CRACR2A: variants seen among roughly 807,000 people sequenced by gnomAD.
The protein encoded by CRACR2A is EF-hand calcium-binding domain-containing protein 4B.
CRACR2A carries 79 observed loss-of-function variants against 90.5 expected under a neutral mutation model. The observed-to-expected ratio is 0.87, with a 90% confidence interval of 0.73 to 1.05. The LOEUF is 1.05. Among genes scored for constraint, CRACR2A ranks in the 50% least tolerant of loss-of-function variants. The pLI, the probability that CRACR2A is intolerant of heterozygous loss-of-function variation, is 0.00. For synonymous variants in CRACR2A, 338 were observed against 356.7 expected (o/e 0.95, Z 0.59); for missense variants, 823 against 897.2 (o/e 0.92, Z 1.06).
intron 1 of CRACR2A, among the ~76,000 whole-genome samples, chr12:3,741,783 C>T (rs951782656): frequency 1.4e-4 from 21 of 152,230 alleles, no homozygotes; most frequent in African/African-American, 5.1e-4. Flanking sequence ...CATTTGCATT[C>T]AGAATGGGAC....
chr12:3,728,192 A>T (rs571686602), intron 2 of CRACR2A: 51 of 152,334 alleles, frequency 3.3e-4, no homozygotes, highest in African/African-American at 1.2e-3. Flanking sequence ...AACACAGGCA[A>T]CGGATCCCCA....
intron 6 of CRACR2A, among the ~76,000 whole-genome samples, chr12:3,675,049 T>A (rs1945314136): frequency 6.6e-6 from 1 of 152,222 alleles, no homozygotes; most frequent in Non-Finnish European, 1.5e-5. Context: ...GATAAAGTTA[T>A]CTGTATGCCT....
chr12:3,627,296 T>A (rs1397425666), intron 17 of CRACR2A, 140 bp downstream of exon 17: 2 of 655,712 alleles, frequency 3.1e-6, no homozygotes, highest in African/African-American at 3.6e-5. Flanking sequence ...GAGGAACACA[T>A]GCCTGCATCA....
chr12:3,624,790 C>T lies in CRACR2A; in HGVS notation c.1932+2646G>A, dbSNP rs1012083022. The stretch of plus-strand genomic sequence containing the variant: ...AGAACTTGCTAGAAACACAGAATCT[C>T]AGACCCCAGTCCCGACCTGCTGAAG... On this transcript the variant is annotated intron_variant, in intron 17 of 19. Transcript: ENST00000440314. 3.9e-5 allele frequency among the ~76,000 whole-genome samples: 6 copies of T among 152,254 alleles called. No homozygotes were observed. The East Asian group carries it at 7.7e-4, about 20-fold the overall frequency.
chr12:3,726,194 TA>T (rs1000728423), intron 2 of CRACR2A: 28 of 149,930 alleles, frequency 1.9e-4, no homozygotes, highest in African/African-American at 6.6e-4. Flanking sequence ...ACTATATGTA[TA>T]TTTTATATAT....
At chr12:3,620,099 A>G (rs540681013) in intron 17 of CRACR2A, among the ~76,000 whole-genome samples, 28 of 152,248 alleles carry the variant, frequency 1.8e-4, no homozygotes, top group Non-Finnish European at 3.1e-4. Context: ...TACTTCCCCA[A>G]TGGCTGTGGC....
At chr12:3,658,208 C>T (rs1304077335) in intron 8 of CRACR2A, among the ~76,000 whole-genome samples, 6 of 152,066 alleles carry the variant, frequency 3.9e-5, no homozygotes, top group Non-Finnish European at 5.9e-5. Context: ...TGACCTCTGC[C>T]CTCGCCCATT....
At chr12:3,635,379 T>A (rs2137340318) in intron 14 of CRACR2A, among the ~76,000 whole-genome samples, 1 of 152,310 alleles carries the variant, frequency 6.6e-6, no homozygotes, top group East Asian at 1.9e-4. Context: ...CTTTTTAATT[T>A]AAAAAATAAG....
intron 7 of CRACR2A, among the ~76,000 whole-genome samples, chr12:3,661,217 C>T (rs917065099): frequency 1.4e-4 from 21 of 152,146 alleles, no homozygotes; most frequent in African/African-American, 5.1e-4. Flanking sequence ...GAACAATGAA[C>T]AGGAGTCATT....
chr12:3,664,076 T>A lies in CRACR2A; in HGVS notation c.672-4422A>T, dbSNP rs115765648. On this transcript the variant is annotated intron_variant, in intron 7 of 19. Transcript: ENST00000440314. ...TTCCAAGTTTCATTGACATTTTAAA[T>A]CTTCAATCAGGATGTAGGCTAAATA... Among the ~76,000 whole-genome samples the A allele has an allele frequency of 7.0e-3, 1,068 of 152,374 alleles. 8 individuals carry two copies. The highest frequency in any genetic ancestry group is 0.024 in the African/African-American group (989 of 41,588).
chr12:3,680,921 T>C (rs1417736507), intron 4 of CRACR2A, among the ~76,000 whole-genome samples: 2 of 151,700 alleles, frequency 1.3e-5, no homozygotes, highest in African/African-American at 4.9e-5. Context: ...CAATATAAAG[T>C]AGTAGGGAGG....
chr12:3,659,485 C>T, intron 8 of CRACR2A, 79 bp downstream of exon 8: 2 of 1,360,764 alleles, frequency 1.5e-6, no homozygotes, highest in Non-Finnish European at 2.1e-6. Context: ...GATGGGGGCA[C>T]CAAAATCTTA....
chr12:3,666,187 C>T (rs1021803931), intron 7 of CRACR2A, among the ~76,000 whole-genome samples: 12 of 151,980 alleles, frequency 7.9e-5, no homozygotes, highest in Admixed American at 2.6e-4. Flanking sequence ...TGAGATACTG[C>T]GGATGCCATA....
At chr12:3,744,839 T>A (rs538878056) in intron 1 of CRACR2A, among the ~76,000 whole-genome samples, 10 of 152,284 alleles carry the variant, frequency 6.6e-5, no homozygotes, top group Non-Finnish European at 1.5e-4. Context: ...AAACCAAACC[T>A]TCTCCAACCC....
rs1273116116 is a variant in CRACR2A, at chr12:3,654,044, T to C, written c.1046+168A>G. ...ATGCTGGACACAGAACTGGTCTGCT[T>C]AATAGTGTCAGAATCCTAGAGGAGT... On this transcript the variant is annotated intron_variant, in intron 10 of 19. Transcript: ENST00000440314. Among the ~76,000 whole-genome samples the C allele has an allele frequency of 2.0e-5, 3 of 152,152 alleles. No individual in the cohort carries two copies. In the East Asian group the frequency reaches 5.8e-4, roughly 29 times the overall value.
At chr12:3,632,153 CCT>C (rs909207153) in intron 15 of CRACR2A, among the ~76,000 whole-genome samples, 3 of 152,116 alleles carry the variant, frequency 2.0e-5, no homozygotes, top group Non-Finnish European at 4.4e-5. Context: ...TAGTACCTCC[CCT>C]GTCCTCTCTT....
chr12:3,653,215 T>TCAAG (rs571899207), intron 10 of CRACR2A, among the ~76,000 whole-genome samples: 2,105 of 150,656 alleles, frequency 0.014, 28 homozygotes, highest in Non-Finnish European at 0.023. Context: ...ACTCCTGACC[T>TCAAG]TGTAATCTGC....
At chr12:3,641,910 T>A in intron 12 of CRACR2A, 72 bp from the exon 13 acceptor site, 7 of 1,334,936 alleles carry the variant, frequency 5.2e-6, no homozygotes, top group South Asian at 1.3e-5. Context: ...GGGCTCATGG[T>A]TCCCACCTCA....
At chr12:3,749,535 T>C (rs1946674288) in intron 1 of CRACR2A, among the ~76,000 whole-genome samples, 1 of 152,182 alleles carries the variant, frequency 6.6e-6, no homozygotes, top group Admixed American at 6.5e-5. Flanking sequence ...CCTTCCTTGA[T>C]CCTTACAGCC....
Sources: gnomAD v4.1 joint callset for allele counts (sites outside exome capture counted in the v4.1 genomes callset) on GRCh38, gnomAD v4.1.1 for gene constraint, MANE v1.5 for transcripts, NCBI Gene and HGNC (gene_info 2026-07-23, HGNC 2026-07-21) for gene names.